SPACA7: variants seen among roughly 807,000 people sequenced by gnomAD.
SPACA7 encodes the protein sperm acrosome associated 7, also known as sperm acrosome-associated protein 7.
A neutral mutation model predicts 26.3 loss-of-function variants in SPACA7; 19 were observed. The ratio of observed to expected loss-of-function variants is 0.72; its 90% CI spans 0.50 to 1.06. SPACA7 has a LOEUF of 1.06. SPACA7 is among the 50% of genes least tolerant of loss of function. The probability of loss-of-function intolerance (pLI) is 0.00; values close to 1 mark genes in which losing one functional copy is unlikely to be tolerated. For synonymous variants in SPACA7, 84 were observed against 84.5 expected (o/e 0.99, Z 0.04); for missense variants, 211 against 229.9 (o/e 0.92, Z 0.53).
rs572317446 is a variant in SPACA7, at chr13:112,383,436, C to G, written c.94+6957C>G. Reference sequence around the variant, plus strand: ...AATTATTTACAGTTTACAAAATAAACTTTACTCTTATAGTACTTGGCTTGA... The same window carrying G: ...AATTATTTACAGTTTACAAAATAAAGTTTACTCTTATAGTACTTGGCTTGA... On this transcript the variant is annotated intron_variant, in intron 1 of 6. Transcript: ENST00000283550. Among the ~76,000 whole-genome samples, 9 of 152,278 alleles carry G rather than the reference C, an allele frequency of 5.9e-5. No individual in the cohort carries two copies. In the South Asian group the frequency reaches 1.9e-3, roughly 32 times the overall value.
At chr13:112,413,354 T>G (rs1440402615) in intron 5 of SPACA7, among the ~76,000 whole-genome samples, 1 of 138,216 alleles carries the variant, frequency 7.2e-6, no homozygotes, top group Non-Finnish European at 1.5e-5. Context: ...AGAGCATTCT[T>G]GGTTGGAAGA....
At chr13:112,403,788 CAT>C (rs368283179) in intron 5 of SPACA7, among the ~76,000 whole-genome samples, 10 of 152,144 alleles carry the variant, frequency 6.6e-5, no homozygotes, top group African/African-American at 2.4e-4. Flanking sequence ...TATTCCATAG[CAT>C]ATATATACCA....
intron 4 of SPACA7, 91 bp from the exon 5 acceptor site, chr13:112,400,978 C>T (rs1275319312): frequency 1.1e-6 from 1 of 912,734 alleles, no homozygotes; most frequent in Non-Finnish European, 1.7e-6. Context: ...AGCATCTCAA[C>T]TTAGCATGTT....
intron 5 of SPACA7, among the ~76,000 whole-genome samples, chr13:112,403,244 G>C (rs1885759916): frequency 1.3e-5 from 2 of 151,936 alleles, no homozygotes; most frequent in African/African-American, 4.8e-5. Flanking sequence ...CTTCTTCTTG[G>C]TTTTCAAATG....
intron 5 of SPACA7, among the ~76,000 whole-genome samples, chr13:112,415,345 G>A (rs1041234692): frequency 1.3e-5 from 2 of 152,204 alleles, no homozygotes; most frequent in African/African-American, 4.8e-5. Flanking sequence ...CTGCCTAACT[G>A]CCATTGATGT....
intron 5 of SPACA7, among the ~76,000 whole-genome samples, chr13:112,420,103 C>T (rs529450852): frequency 7.2e-5 from 11 of 152,286 alleles, no homozygotes; most frequent in Non-Finnish European, 1.3e-4. Flanking sequence ...AATGGCATGA[C>T]GAAAGAAGAG....
intron 5 of SPACA7, 38 bp downstream of exon 5, chr13:112,401,202 G>C: frequency 6.7e-7 from 1 of 1,503,132 alleles, no homozygotes; most frequent in Non-Finnish European, 9.3e-7. Context: ...CTCTGTGGGA[G>C]AGACGGAGGC....
At chr13:112,405,846 A>G (rs2138981035) in intron 5 of SPACA7, among the ~76,000 whole-genome samples, 1 of 152,218 alleles carries the variant, frequency 6.6e-6, no homozygotes, top group African/African-American at 2.4e-5. Flanking sequence ...TATTTGGTGC[A>G]TAGATTTTTA....
intron 3 of SPACA7, among the ~76,000 whole-genome samples, chr13:112,398,347 T>A (rs2296893): frequency 0.08 from 11,901 of 149,426 alleles, 1,026 homozygotes; most frequent in East Asian, 0.27. Flanking sequence ...ACTGGCAGGG[T>A]TAATTCCCTT....
At chr13:112,382,851 T>C (rs949581770) in intron 1 of SPACA7, among the ~76,000 whole-genome samples, 7 of 151,746 alleles carry the variant, frequency 4.6e-5, no homozygotes, top group African/African-American at 1.5e-4. Flanking sequence ...TAGCCAGGCA[T>C]GGTGGCAGGT....
At chr13:112,411,430 C>T (rs899559250) in intron 5 of SPACA7, among the ~76,000 whole-genome samples, 4 of 152,120 alleles carry the variant, frequency 2.6e-5, no homozygotes, top group African/African-American at 9.7e-5. Flanking sequence ...TTTATCATTT[C>T]TTTGGGTTGA....
At chr13:112,399,014 CT>C (rs2138950048) in intron 3 of SPACA7, 51 bp from the exon 4 acceptor site, 1 of 1,082,894 alleles carries the variant, frequency 9.2e-7, no homozygotes, top group African/African-American at 1.6e-5. Flanking sequence ...ATGTTTATAC[CT>C]GTGTAATCAA....
At chr13:112,430,988 G>A (rs1877071984) in intron 5 of SPACA7, among the ~76,000 whole-genome samples, 3 of 152,158 alleles carry the variant, frequency 2.0e-5, no homozygotes, top group African/African-American at 7.2e-5. Flanking sequence ...TAATCTCTCT[G>A]GTGTAGGTTA....
chr13:112,385,269 A>C (rs897970427), intron 1 of SPACA7, among the ~76,000 whole-genome samples: 3 of 152,184 alleles, frequency 2.0e-5, no homozygotes, highest in Non-Finnish European at 4.4e-5. Context: ...AACTAGACAA[A>C]ATTGCATTCC....
rs5806946 is a variant in SPACA7 at position 112,380,405 on chromosome 13, C to CAAAA, written c.94+3945_94+3948dup. Among the ~76,000 whole-genome samples the CAAAA allele has an allele frequency of 6.3e-3, 462 of 73,798 alleles. 11 individuals carry two copies. The highest frequency in any genetic ancestry group is 0.021 in the African/African-American group (410 of 19,154). The allele number at this position is 73,798 out of a possible 152,430, so 48.4% of individuals were successfully genotyped here. A position where few individuals can be genotyped will look rare whatever the true frequency, so the allele number is the denominator to read the frequency against. ...AGGCAACAAGAGCAAAACTCAGTCT[C>CAAAA]AAAAAAAAAAAAAAAAAAAAAACCA... On this transcript the variant is annotated intron_variant, in intron 1 of 6. Coordinates refer to ENST00000283550, the MANE Select transcript of SPACA7 (RefSeq NM_145248.5).
intron 1 of SPACA7, among the ~76,000 whole-genome samples, chr13:112,392,279 G>A (rs1306720677): frequency 1.3e-5 from 2 of 152,174 alleles, no homozygotes; most frequent in African/African-American, 4.8e-5. Context: ...CCACTCTCAG[G>A]GTCACTCAGC....
intron 2 of SPACA7, among the ~76,000 whole-genome samples, chr13:112,395,028 C>A (rs527324364): frequency 3.3e-5 from 5 of 152,288 alleles, no homozygotes; most frequent in East Asian, 1.9e-4. Flanking sequence ...CAGGCCAGGC[C>A]GAGACTCTCT....
At chr13:112,415,315 T>C (rs1886623271) in intron 5 of SPACA7, among the ~76,000 whole-genome samples, 1 of 152,186 alleles carries the variant, frequency 6.6e-6, no homozygotes, top group Non-Finnish European at 1.5e-5. Flanking sequence ...CCAGAGCTCA[T>C]CCAAGGTCTG....
chr13:112,383,884 A>C (rs371067089), intron 1 of SPACA7, among the ~76,000 whole-genome samples: 13 of 152,370 alleles, frequency 8.5e-5, no homozygotes, highest in African/African-American at 3.1e-4. Flanking sequence ...TATTGCACTT[A>C]TGCAATTAAC....
Sources: gnomAD v4.1 joint callset for allele counts (sites outside exome capture counted in the v4.1 genomes callset) on GRCh38, gnomAD v4.1.1 for gene constraint, MANE v1.5 for transcripts, NCBI Gene and HGNC (gene_info 2026-07-23, HGNC 2026-07-21) for gene names.